PCTP: variants seen among roughly 807,000 people sequenced by gnomAD.
PCTP encodes the protein START domain-containing protein 2.
Under a neutral mutation model 31.0 loss-of-function variants are expected in PCTP, and 27 were observed. The ratio of observed to expected loss-of-function variants is 0.87; its 90% CI spans 0.64 to 1.20. The LOEUF (loss-of-function observed/expected upper bound fraction) is 1.20. Among genes scored for constraint, PCTP ranks in the 50% most tolerant of loss-of-function variants. The pLI, the probability that PCTP is intolerant of heterozygous loss-of-function variation, is 0.00. For missense variants in PCTP, 287 were observed against 268.2 expected, an observed-to-expected ratio of 1.07 and a Z score of -0.49; for synonymous variants, 108 against 101.2, an observed-to-expected ratio of 1.07 and a Z score of -0.40.
chr17:55,845,515 G>T (rs933941463), downstream of PCTP, among the ~76,000 whole-genome samples: 1 of 152,124 alleles, frequency 6.6e-6, no homozygotes, highest in African/African-American at 2.4e-5. Flanking sequence ...TGCCGAAGAG[G>T]GCCGCCTCGC....
intron 3 of PCTP, 74 bp from the exon 4 acceptor site, chr17:55,773,650 T>G (rs532775459): frequency 6.9e-7 from 1 of 1,455,484 alleles, no homozygotes; most frequent in East Asian, 2.3e-5. Flanking sequence ...CTCCCTTTGC[T>G]TCCAGCTTGT....
downstream of PCTP, among the ~76,000 whole-genome samples, chr17:55,826,271 C>T (rs1261031073): frequency 6.6e-6 from 1 of 152,202 alleles, no homozygotes; most frequent in East Asian, 1.9e-4. Context: ...GGAGCAGGTA[C>T]AGAAAAGCTG....
At chr17:55,839,100 T>C (rs911092938) in intron 5 of PCTP, among the ~76,000 whole-genome samples, 4 of 152,238 alleles carry the variant, frequency 2.6e-5, no homozygotes, top group African/African-American at 7.2e-5. Flanking sequence ...CTCTTGACTT[T>C]GTTTTTTCTA....
chr17:55,772,669 T>TTTA (rs1911079877), intron 3 of PCTP, among the ~76,000 whole-genome samples: 1 of 152,118 alleles, frequency 6.6e-6, no homozygotes, highest in African/African-American at 2.4e-5. Flanking sequence ...CGTAGTGACT[T>TTTA]TTTGATTATT....
chr17:55,781,018 A>G (rs528544886), downstream of PCTP, among the ~76,000 whole-genome samples: 9 of 152,130 alleles, frequency 5.9e-5, no homozygotes, highest in Non-Finnish European at 8.8e-5. Context: ...GCATGTAAAA[A>G]AAAAAAAAAA....
chr17:55,772,983 G>T (rs1911095674), intron 3 of PCTP, among the ~76,000 whole-genome samples: 2 of 152,180 alleles, frequency 1.3e-5, no homozygotes, highest in African/African-American at 4.8e-5. Flanking sequence ...ACATGATAAA[G>T]GCTCGATAAG....
chr17:55,810,844 G>A (rs1351682568), intron 3 of PCTP, among the ~76,000 whole-genome samples: 1 of 152,224 alleles, frequency 6.6e-6, no homozygotes, highest in African/African-American at 2.4e-5. Flanking sequence ...TGGGCAGTGA[G>A]AGTTAGTGGC....
chr17:55,781,913 T>TTGTGTG (rs34261304), downstream of PCTP, among the ~76,000 whole-genome samples: 1 of 149,480 alleles, frequency 6.7e-6, no homozygotes, highest in South Asian at 2.1e-4. Context: ...CAGCACCTGA[T>TTGTGTG]TGTGTGTGTG....
chr17:55,831,377 G>A (rs1028504460), intron 5 of PCTP, among the ~76,000 whole-genome samples: 4 of 152,154 alleles, frequency 2.6e-5, no homozygotes, highest in South Asian at 2.1e-4. Flanking sequence ...GGTGCAAGAA[G>A]CAAGGCTGGA....
At chr17:55,778,449 G>A (rs758731901), downstream of PCTP, among the ~76,000 whole-genome samples, 1 of 152,150 alleles carries the variant, frequency 6.6e-6, no homozygotes, top group Non-Finnish European at 1.5e-5. Flanking sequence ...GGTCCTTGGG[G>A]TAGTATATAG....
intron 3 of PCTP, among the ~76,000 whole-genome samples, chr17:55,800,831 G>A (rs1050126271): frequency 2.6e-5 from 4 of 151,602 alleles, no homozygotes; most frequent in Admixed American, 6.6e-5. Context: ...TTTTTTTTAT[G>A]TTGATGCTAT....
intron 3 of PCTP, among the ~76,000 whole-genome samples, chr17:55,803,149 C>A (rs1315992420): frequency 6.6e-6 from 1 of 152,066 alleles, no homozygotes; most frequent in African/African-American, 2.4e-5. Context: ...ATACAACTTA[C>A]AAGGGATTTG....
chr17:55,751,445 G>A, intron 1 of PCTP: 4 of 1,533,696 alleles, frequency 2.6e-6, no homozygotes, highest in Non-Finnish European at 3.5e-6. Context: ...GCAGATCCAG[G>A]GGAGTTGGAA....
At chr17:55,780,321 A>C (rs1412457025), downstream of PCTP, among the ~76,000 whole-genome samples, 1 of 152,222 alleles carries the variant, frequency 6.6e-6, no homozygotes, top group Non-Finnish European at 1.5e-5. Flanking sequence ...TAAGTACACT[A>C]TGTAAACTTT....
chr17:55,783,833 G>T (rs796147457), intron 2 of PCTP, among the ~76,000 whole-genome samples: 34 of 152,276 alleles, frequency 2.2e-4, no homozygotes, highest in African/African-American at 7.7e-4. Flanking sequence ...TCCATTACAA[G>T]CTAGGAAATG....
chr17:55,780,587 T>G (rs1279055020), downstream of PCTP, among the ~76,000 whole-genome samples: 2 of 152,212 alleles, frequency 1.3e-5, no homozygotes, highest in Non-Finnish European at 2.9e-5. Flanking sequence ...TGCCCCACAT[T>G]CATGTAGTCC....
At chr17:55,840,182 G>T (rs892233074) in intron 5 of PCTP, among the ~76,000 whole-genome samples, 1 of 152,078 alleles carries the variant, frequency 6.6e-6, no homozygotes, top group African/African-American at 2.4e-5. Context: ...GGGACAGGGT[G>T]GGGGTGGAAA....
chr17:55,751,147 A>T lies in PCTP; in HGVS notation c.44A>T (p.Glu15Val). Residue 15 changes from glutamate (E) to valine (V), a missense_variant, in exon 1 of 6, where the codon GAG becomes GTG. Physicochemically the swap from Glu to Val is moderately radical, Grantham distance 121. Coordinates refer to ENST00000268896, the MANE Select transcript of PCTP (RefSeq NM_021213.4). The part of the protein sequence containing the change: ...AGSFSEEQFW[E>V]ACAELQQPAL... ...AGCTTCTCGGAGGAGCAGTTCTGGG[A>T]GGCCTGCGCCGAGCTCCAGCAGCCC... is the stretch of plus-strand genomic sequence containing the variant. 7.8e-6 allele frequency: 12 copies of T among 1,546,224 alleles called. No individual in the cohort carries two copies. Among genetic ancestry groups the T allele is most frequent in the Non-Finnish European group, 1.0e-5 (12 of 1,144,680 alleles).
chr17:55,815,646 G>C (rs1912892426), intron 3 of PCTP, among the ~76,000 whole-genome samples: 1 of 152,138 alleles, frequency 6.6e-6, no homozygotes, highest in African/African-American at 2.4e-5. Context: ...GTAACAGGCA[G>C]CTTCTTGTTA....
Sources: allele counts gnomAD v4.1 joint callset (sites outside exome capture counted in the v4.1 genomes callset), GRCh38; gene constraint gnomAD v4.1.1; transcripts MANE v1.5; gene names NCBI Gene and HGNC (gene_info 2026-07-23, HGNC 2026-07-21).